Variants in DRC8 observed in about 807,000 individuals in gnomAD.
DRC8 encodes dynein regulatory complex subunit 8.
chr1:245,102,805 A>G, the DRC8 span, among the ~76,000 whole-genome samples: 1 of 152,246 alleles, frequency 6.6e-6, no homozygotes, highest in South Asian at 2.1e-4. Flanking sequence ...CACACATCCA[A>G]TCAGATGTCT....
the DRC8 span, chr1:245,082,099 C>T: frequency 6.2e-7 from 1 of 1,611,184 alleles, no homozygotes; most frequent in African/African-American, 1.3e-5. Flanking sequence ...GAAGAAGAAC[C>T]CACTGGATAC....
chr1:244,999,058 CAAAAAAAAAAAAAAA>C, the DRC8 span, among the ~76,000 whole-genome samples: 1 of 83,690 alleles, frequency 1.2e-5, no homozygotes, highest in South Asian at 5.0e-4. Flanking sequence ...GATCCTGGGT[CAAAAAAAAAAAAAAA>C]AAAAAAAAAG....
chr1:245,027,903 TG>T, the DRC8 span, among the ~76,000 whole-genome samples: 2 of 151,448 alleles, frequency 1.3e-5, no homozygotes, highest in African/African-American at 4.9e-5. Context: ...TGCTCATGGA[TG>T]TTTTTGAGAC....
chr1:245,043,411 C>T, the DRC8 span, among the ~76,000 whole-genome samples: 4 of 148,984 alleles, frequency 2.7e-5, no homozygotes, highest in East Asian at 3.9e-4. Context: ...CCAGCCTGGG[C>T]GACAGAGCGA....
the DRC8 span, among the ~76,000 whole-genome samples, chr1:245,022,721 G>A: frequency 3.3e-5 from 5 of 150,668 alleles, no homozygotes; most frequent in South Asian, 2.1e-4. Context: ...GTGCGTGTGC[G>A]TGTGTGTGTG....
the DRC8 span, among the ~76,000 whole-genome samples, chr1:245,053,490 AG>A: frequency 1.3e-5 from 2 of 152,238 alleles, no homozygotes; most frequent in African/African-American, 4.8e-5. Context: ...CATAAGAGGA[AG>A]GAACCTCATC....
At chr1:245,107,311 A>G in the DRC8 span, 145,006 of 149,722 alleles carry the variant, frequency 0.97, 70,375 homozygotes, top group East Asian at 1. Flanking sequence ...AGTGGGGGAC[A>G]GGGGTGGGGT....
At chr1:245,060,872 C>G in the DRC8 span, among the ~76,000 whole-genome samples, 1 of 152,250 alleles carries the variant, frequency 6.6e-6, no homozygotes, top group African/African-American at 2.4e-5. Flanking sequence ...AAATCCTGCC[C>G]ACCGCCTGTG....
At chr1:244,978,729 A>G in the DRC8 span, among the ~76,000 whole-genome samples, 34 of 152,254 alleles carry the variant, frequency 2.2e-4, no homozygotes, top group South Asian at 6.2e-4. Flanking sequence ...GCCTCAGGCA[A>G]TCCTACCACC....
the DRC8 span, among the ~76,000 whole-genome samples, chr1:244,981,486 C>T: frequency 6.6e-6 from 1 of 152,060 alleles, no homozygotes; most frequent in Non-Finnish European, 1.5e-5. Flanking sequence ...GTCCTTTAAT[C>T]CTTACAATAA....
chr1:245,087,936 G>A, the DRC8 span: 1 of 397,944 alleles, frequency 2.5e-6, no homozygotes, highest in Non-Finnish European at 3.4e-6. Flanking sequence ...CATTTATGGA[G>A]TAGCTAAAGG....
chr1:245,104,834 C>T, the DRC8 span, among the ~76,000 whole-genome samples: 52 of 152,328 alleles, frequency 3.4e-4, no homozygotes, highest in Middle Eastern at 3.4e-3. Flanking sequence ...TTCAAATTTC[C>T]GCTCTTGTCT....
the DRC8 span, chr1:245,083,528 C>A: frequency 6.4e-7 from 1 of 1,572,078 alleles, no homozygotes; most frequent in Non-Finnish European, 8.7e-7. Flanking sequence ...TATATAAATA[C>A]ATTTATTTAC....
chr1:245,002,119 A>G, the DRC8 span: 1 of 1,598,476 alleles, frequency 6.3e-7, no homozygotes, highest in East Asian at 2.2e-5. Context: ...CCTTTATGCT[A>G]GGGCCTGGGA....
At chr1:245,033,304 C>A in the DRC8 span, among the ~76,000 whole-genome samples, 7 of 152,202 alleles carry the variant, frequency 4.6e-5, no homozygotes, top group Admixed American at 1.3e-4. Flanking sequence ...CTTTTCATAA[C>A]AAAGCTTTCC....
chr1:245,065,073 C>CTTT, the DRC8 span, among the ~76,000 whole-genome samples: 1,416 of 81,386 alleles, frequency 0.017, 22 homozygotes, highest in Non-Finnish European at 0.022. Flanking sequence ...TAACATTCTT[C>CTTT]TTTTTTTTTT....
the DRC8 span, chr1:245,044,087 A>G: frequency 1.3e-5 from 2 of 152,250 alleles, no homozygotes; most frequent in African/African-American, 4.8e-5. Flanking sequence ...AATGACAAAA[A>G]GAAAGGTAAT....
At chr1:245,025,683 G>A in the DRC8 span, among the ~76,000 whole-genome samples, 1 of 152,134 alleles carries the variant, frequency 6.6e-6, no homozygotes, top group East Asian at 1.9e-4. Flanking sequence ...TGTGTGATAT[G>A]GTTTCACTGT....
chr1:245,003,804 A>G, the DRC8 span, among the ~76,000 whole-genome samples: 3 of 152,014 alleles, frequency 2.0e-5, no homozygotes, highest in Non-Finnish European at 2.9e-5. Flanking sequence ...GGATCTCACT[A>G]TGTTGCCCAG....
Sources: gnomAD v4.1 joint callset for allele counts (sites outside exome capture counted in the v4.1 genomes callset) on GRCh38, gnomAD v4.1.1 for gene constraint, MANE v1.5 for transcripts, NCBI Gene and HGNC (gene_info 2026-07-23, HGNC 2026-07-21) for gene names.